Variants in MTREX observed in about 807,000 individuals in gnomAD.
MTREX encodes exosome RNA helicase MTR4.
Under a neutral mutation model 135.4 loss-of-function variants are expected in MTREX, and 76 were observed. The ratio of observed to expected loss-of-function variants is 0.56; its 90% confidence interval spans 0.47 to 0.68. The LOEUF (loss-of-function observed/expected upper bound fraction) is 0.68, where lower values mean the gene tolerates loss of function less well. Among genes scored for constraint, MTREX ranks in the 30% least tolerant of loss-of-function variants. The pLI, the probability that MTREX is intolerant of heterozygous loss-of-function variation, is 0.00. For missense variants in MTREX, 920 were observed against 1,262.1 expected, an observed-to-expected ratio of 0.73 and a Z score of 4.11; for synonymous variants, 404 against 401.6, an observed-to-expected ratio of 1.01 and a Z score of -0.07.
intron 21 of MTREX, among the ~76,000 whole-genome samples, chr5:55,401,498 A>G (rs1253425709): frequency 6.6e-6 from 1 of 152,182 alleles, no homozygotes; most frequent in Non-Finnish European, 1.5e-5. Flanking sequence ...AGTTCTCTTG[A>G]GTGGAATTAG....
At chr5:55,325,321 T>C (rs1174981510) in intron 3 of MTREX, among the ~76,000 whole-genome samples, 1 of 148,004 alleles carries the variant, frequency 6.8e-6, no homozygotes, top group African/African-American at 2.5e-5. Flanking sequence ...TGTTGTTTTT[T>C]TGGGGGGGTT....
intron 13 of MTREX, among the ~76,000 whole-genome samples, chr5:55,352,553 T>G (rs1179523475): frequency 1.3e-5 from 2 of 152,188 alleles, no homozygotes; most frequent in African/African-American, 4.8e-5. Flanking sequence ...AAAAAAGTCA[T>G]TATACTACCC....
At chr5:55,405,673 C>A in intron 22 of MTREX, 85 bp downstream of exon 22, 2 of 1,207,660 alleles carry the variant, frequency 1.7e-6, no homozygotes, top group Non-Finnish European at 2.3e-6. Context: ...GAGATGGAGT[C>A]TCACTGTTGC....
rs1749048275 is a variant in MTREX, at chr5:55,309,017, TTAAAA to T, written c.134+872_134+876del. ...CAGTATAGGTGAGGAGGTCGTTAAC[TTAAAA>T]TGAATGATATATACAATTAAGTGTT... On this transcript the variant is annotated intron_variant, in intron 1 of 26. Transcript: ENST00000230640. 3.3e-5 allele frequency among the ~76,000 whole-genome samples: 5 copies of T among 152,108 alleles called. No homozygotes were observed. In the South Asian group the frequency reaches 8.3e-4, roughly 25 times the overall value.
chr5:55,374,264 T>TTATATATATATATATATATATATA (rs763872215), intron 16 of MTREX, among the ~76,000 whole-genome samples: 3 of 139,654 alleles, frequency 2.1e-5, no homozygotes, highest in South Asian at 2.3e-4. Context: ...CAAAAAACAT[T>TTATATATATATATATATATATATA]TATATATATA....
At chr5:55,355,152 C>G (rs966952005) in intron 14 of MTREX, among the ~76,000 whole-genome samples, 1 of 152,136 alleles carries the variant, frequency 6.6e-6, no homozygotes, top group African/African-American at 2.4e-5. Flanking sequence ...CCTTTCCTTC[C>G]TGCTTCCTTG....
chr5:55,373,240 G>A (rs960121174), intron 16 of MTREX, among the ~76,000 whole-genome samples: 2 of 150,996 alleles, frequency 1.3e-5, no homozygotes, highest in Non-Finnish European at 2.9e-5. Flanking sequence ...ATGTCTTGGA[G>A]GAAGAAATGT....
chr5:55,350,890 A>G (rs1281642027), intron 12 of MTREX, 29 bp from the exon 13 acceptor site: 2 of 1,511,412 alleles, frequency 1.3e-6, no homozygotes, highest in Non-Finnish European at 1.8e-6. Flanking sequence ...TCACATCATT[A>G]TAAAATCAGT....
chr5:55,388,180 T>C (rs1339910169), intron 19 of MTREX, 78 bp downstream of exon 19: 2 of 1,332,092 alleles, frequency 1.5e-6, no homozygotes, highest in African/African-American at 1.5e-5. Flanking sequence ...TCCAATGTGA[T>C]GGTAATGAAC....
intron 25 of MTREX, among the ~76,000 whole-genome samples, chr5:55,419,034 A>C (rs1751015580): frequency 6.6e-6 from 1 of 152,112 alleles, no homozygotes; most frequent in African/African-American, 2.4e-5. Context: ...TTGTAGAGAT[A>C]TGATTTTACC....
chr5:55,325,896 G>A (rs918512973), intron 3 of MTREX, among the ~76,000 whole-genome samples: 6 of 152,062 alleles, frequency 3.9e-5, no homozygotes, highest in African/African-American at 9.7e-5. Context: ...CTGTTTCTGC[G>A]TTAAATCAGG....
intron 10 of MTREX, among the ~76,000 whole-genome samples, chr5:55,345,726 G>A (rs1749722246): frequency 7.7e-6 from 1 of 130,636 alleles, no homozygotes; most frequent in South Asian, 2.4e-4. Context: ...GAGTACACTG[G>A]TGCTGTCTTG....
chr5:55,308,999 G>A (rs570603343), intron 1 of MTREX, among the ~76,000 whole-genome samples: 2 of 151,642 alleles, frequency 1.3e-5, no homozygotes, highest in East Asian at 3.9e-4. Context: ...TTACAGTATA[G>A]GTGAGGAGGT....
chr5:55,337,766 G>A (rs1188264533), intron 5 of MTREX, among the ~76,000 whole-genome samples: 1 of 147,492 alleles, frequency 6.8e-6, no homozygotes, highest in Non-Finnish European at 1.5e-5. Context: ...GTTCGTTTTG[G>A]GGGTCTTTTG....
intron 22 of MTREX, among the ~76,000 whole-genome samples, chr5:55,406,574 A>C (rs1473964259): frequency 6.6e-6 from 1 of 152,182 alleles, no homozygotes; most frequent in African/African-American, 2.4e-5. Context: ...CAGGTGAGTC[A>C]TAAACCCTCC....
At chr5:55,335,758 G>A (rs1749544306) in intron 5 of MTREX, among the ~76,000 whole-genome samples, 1 of 152,018 alleles carries the variant, frequency 6.6e-6, no homozygotes, top group Admixed American at 6.6e-5. Context: ...ATTTCCAATA[G>A]TATTTTAAGA....
rs754863383 is a variant in MTREX, at chr5:55,349,643, A to G, written c.1311A>G (p.Lys437=). The G allele has an allele frequency of 4.4e-6, 7 of 1,579,816 alleles. No individual in the cohort carries two copies. The highest frequency in any genetic ancestry group is 6.1e-6 in the Non-Finnish European group (7 of 1,149,964). Residue 437 remains lysine, a synonymous_variant, in exon 12 of 27, where the codon AAA becomes AAG. Transcript: ENST00000230640. ...ATTGCTTATCCGATGAAGATAAAAA[A>G]CTCCCTCAGGTGAGTTTTCAGTATC... is the stretch of plus-strand genomic sequence containing the variant. ...AIDCLSDEDK[K]LPQVEHVLPL...
At chr5:55,401,861 T>C (rs1750727824) in intron 21 of MTREX, among the ~76,000 whole-genome samples, 1 of 152,190 alleles carries the variant, frequency 6.6e-6, no homozygotes. Context: ...ACTATACAAA[T>C]CTCCTTTCCT....
chr5:55,315,217 T>TA (rs950648925), intron 1 of MTREX, among the ~76,000 whole-genome samples: 2 of 152,214 alleles, frequency 1.3e-5, no homozygotes, highest in Non-Finnish European at 2.9e-5. Flanking sequence ...TTTTCATCTT[T>TA]AAAAAAATTG....
Sources: gnomAD v4.1 joint callset for allele counts (sites outside exome capture counted in the v4.1 genomes callset) on GRCh38, gnomAD v4.1.1 for gene constraint, MANE v1.5 for transcripts, NCBI Gene and HGNC (gene_info 2026-07-23, HGNC 2026-07-21) for gene names.